Variants in GPR173 observed in about 807,000 individuals in gnomAD.
GPR173 encodes the protein G protein-coupled receptor 173, also known as probable G protein-coupled receptor 173.
Under a neutral mutation model 13.9 loss-of-function variants are expected in GPR173, and 2 were observed. The observed-to-expected ratio is 0.14, with a 90% CI of 0.06 to 0.45. The LOEUF (loss-of-function observed/expected upper bound fraction) is 0.45. Among genes scored for constraint, GPR173 ranks in the 20% least tolerant of loss-of-function variants. The pLI, the probability that GPR173 is intolerant of heterozygous loss-of-function variation, is 0.98. For synonymous variants in GPR173, 131 were observed against 141.0 expected (o/e 0.93, Z 0.50); for missense variants, 202 against 340.5 (o/e 0.59, Z 3.20).
At chrX:53,069,571 C>T (rs1932231341) in intron 1 of GPR173, among the ~76,000 whole-genome samples, 2 of 112,222 alleles carry the variant, frequency 1.8e-5, no homozygotes, top group Admixed American at 9.5e-5. Context: ...TTGGCTCCAG[C>T]GGTATACCTG....
intron 1 of GPR173, among the ~76,000 whole-genome samples, chrX:53,063,255 G>T (rs987525982): frequency 9.0e-6 from 1 of 110,845 alleles, no homozygotes; most frequent in Non-Finnish European, 1.9e-5. Context: ...AGGTTTACAG[G>T]TTATACTTTC....
chrX:53,055,499 C>T lies in GPR173; in HGVS notation c.-98+6015C>T, dbSNP rs1316020672. On this transcript the variant is annotated intron_variant, in intron 1 of 1. Transcript: ENST00000332582. Reference sequence around the variant, plus strand: ...GTTGTATCTGGGTGGAGAGTGCAGGCGTATACGTACTTGGGTGTGGATGTG... The same window carrying T: ...GTTGTATCTGGGTGGAGAGTGCAGGTGTATACGTACTTGGGTGTGGATGTG... Among the ~76,000 whole-genome samples, 6 of 109,356 alleles carry T rather than the reference C, an allele frequency of 5.5e-5. No individual in the cohort carries two copies. The East Asian group carries it at 8.6e-4, about 16-fold the overall frequency. The allele number at this position is 109,356 out of a possible 115,157, so 95.0% of individuals were successfully genotyped here. A position where few individuals can be genotyped will look rare whatever the true frequency, so the allele number is the denominator to read the frequency against.
intron 1 of GPR173, among the ~76,000 whole-genome samples, chrX:53,055,561 TG>T (rs1278909568): frequency 9.1e-6 from 1 of 109,498 alleles, no homozygotes; most frequent in Non-Finnish European, 1.9e-5. Context: ...AAAAGAGAGT[TG>T]GGGGCACAGC....
At chrX:53,066,883 G>GAAAT (rs1258956267) in intron 1 of GPR173, among the ~76,000 whole-genome samples, 6 of 111,332 alleles carry the variant, frequency 5.4e-5, no homozygotes, top group Non-Finnish European at 1.1e-4. Context: ...ATTTACTGTG[G>GAAAT]AAATGAGACC....
At chrX:53,062,824 C>T (rs186846678) in intron 1 of GPR173, among the ~76,000 whole-genome samples, 6 of 110,595 alleles carry the variant, frequency 5.4e-5, no homozygotes, top group African/African-American at 2.0e-4. Flanking sequence ...ATTACCGTGC[C>T]CAGCCAACAT....
chrX:53,066,457 G>A (rs73634281), intron 1 of GPR173, among the ~76,000 whole-genome samples: 33,389 of 109,954 alleles, frequency 0.3, 4,967 homozygotes, highest in African/African-American at 0.59. Flanking sequence ...TCAGAAGTTC[G>A]AAATCAGCCT....
chrX:53,056,294 T>G (rs781945284), intron 1 of GPR173, among the ~76,000 whole-genome samples: 2 of 109,264 alleles, frequency 1.8e-5, no homozygotes, highest in Middle Eastern at 4.7e-3. Flanking sequence ...TGTATCAGTG[T>G]TGGGTATATG....
intron 1 of GPR173, among the ~76,000 whole-genome samples, chrX:53,060,299 G>T (rs994535965): frequency 9.1e-6 from 1 of 109,927 alleles, no homozygotes; most frequent in Non-Finnish European, 1.9e-5. Flanking sequence ...AAAAATGACG[G>T]CCGGTCGCAG....
At position 53,060,409 on chromosome X, in the gene GPR173, G is replaced by A. The variant is rs781898550; in HGVS notation, c.-98+10925G>A. Reference sequence around the variant, plus strand: ...AGCCTGGCCAACATGGAGAAATCCCGTCTCTACTAAAAATACAAAAATTAG... The same window carrying A: ...AGCCTGGCCAACATGGAGAAATCCCATCTCTACTAAAAATACAAAAATTAG... On this transcript the variant is annotated intron_variant, in intron 1 of 1. Transcript: ENST00000332582. Among the ~76,000 whole-genome samples, 125 of 109,743 alleles carry A rather than the reference G, an allele frequency of 1.1e-3. 2 individuals carry two copies. In the Middle Eastern group the frequency reaches 0.033, roughly 29 times the overall value.
chrX:53,074,128 A>G (rs182030910), intron 1 of GPR173, among the ~76,000 whole-genome samples: 196 of 18,423 alleles, frequency 0.011, 4 homozygotes, highest in East Asian at 0.043. Context: ...ATAAATATAT[A>G]TAAATATACA....
At position 53,077,936 on chromosome X, in the gene GPR173, G is replaced by T. The variant is rs140671105; in HGVS notation, c.*193G>T. On this transcript the variant is annotated 3_prime_UTR_variant, in exon 2 of 2. Coordinates refer to ENST00000332582, the MANE Select transcript of GPR173 (RefSeq NM_018969.6). ...GAGGACTGGGCGAGGGACTGGGAAA[G>T]AGGCATATTTAGTTTTGTGGGGCCT... 93 of 433,481 alleles carry T rather than the reference G, an allele frequency of 2.1e-4. No homozygotes were observed. Among genetic ancestry groups the T allele is most frequent in the Non-Finnish European group, 3.1e-4 (76 of 244,561 alleles). 35.7% of individuals were successfully genotyped at this position (433,481 alleles called of 1,213,427 possible).
chrX:53,066,386 T>A (rs965750314), intron 1 of GPR173, among the ~76,000 whole-genome samples: 8 of 111,884 alleles, frequency 7.2e-5, no homozygotes, highest in Non-Finnish European at 1.3e-4. Context: ...TTATGTAACT[T>A]TATTCGTGTG....
chrX:53,075,153 C>T (rs886572319), intron 1 of GPR173, among the ~76,000 whole-genome samples: 1 of 107,958 alleles, frequency 9.3e-6, no homozygotes, highest in Non-Finnish European at 1.9e-5. Context: ...GGCTTCCTTG[C>T]TCTTCCTCAA....
At chrX:53,050,418 T>C (rs1556802549) in intron 1 of GPR173, among the ~76,000 whole-genome samples, 2 of 112,028 alleles carry the variant, frequency 1.8e-5, no homozygotes, top group Non-Finnish European at 3.8e-5. Context: ...CGGAGGTCCA[T>C]ATATCTGGAA....
intron 1 of GPR173, among the ~76,000 whole-genome samples, chrX:53,074,089 T>C (rs782623791): frequency 8.5e-5 from 3 of 35,322 alleles, no homozygotes; most frequent in Non-Finnish European, 1.4e-4. Context: ...TATATTTATT[T>C]ATATATAAAT....
intron 1 of GPR173, among the ~76,000 whole-genome samples, chrX:53,073,564 A>G (rs782613894): frequency 9.3e-6 from 1 of 108,062 alleles, no homozygotes; most frequent in Admixed American, 1.0e-4. Flanking sequence ...GGATGTCTCC[A>G]GGGCACCCTC....
At chrX:53,062,217 G>A (rs183117625) in intron 1 of GPR173, among the ~76,000 whole-genome samples, 143 of 110,745 alleles carry the variant, frequency 1.3e-3, no homozygotes, top group African/African-American at 4.3e-3. Context: ...CATTCAAGCC[G>A]TAGCATTCTT....
At chrX:53,066,578 G>T (rs1193176994) in intron 1 of GPR173, among the ~76,000 whole-genome samples, 1 of 109,433 alleles carries the variant, frequency 9.1e-6, no homozygotes, top group Non-Finnish European at 1.9e-5. Flanking sequence ...AGAGGCAGGA[G>T]AATCGCTTGA....
At chrX:53,067,837 A>AAG (rs1932206622) in intron 1 of GPR173, among the ~76,000 whole-genome samples, 2 of 110,547 alleles carry the variant, frequency 1.8e-5, no homozygotes, top group African/African-American at 6.6e-5. Flanking sequence ...AAAAAAAAAA[A>AAG]AAAGAAAGCA....
Sources: allele counts gnomAD v4.1 joint callset (sites outside exome capture counted in the v4.1 genomes callset), GRCh38; gene constraint gnomAD v4.1.1; transcripts MANE v1.5; gene names NCBI Gene and HGNC (gene_info 2026-07-23, HGNC 2026-07-21).